MTMR3: variants seen among roughly 807,000 people sequenced by gnomAD.
The protein encoded by MTMR3 is phosphatidylinositol-3,5-bisphosphate 3-phosphatase MTMR3.
In MTMR3, 32 loss-of-function variants were observed where a neutral mutation model predicts 132.4. That is an observed-to-expected ratio of 0.24 (90% CI 0.18 to 0.32). The LOEUF (loss-of-function observed/expected upper bound fraction) is 0.32. Among genes scored for constraint, MTMR3 ranks in the 10% least tolerant of loss-of-function variants. The probability of loss-of-function intolerance (pLI) is 1.00; values close to 1 mark genes in which losing one functional copy is unlikely to be tolerated. For synonymous variants in MTMR3, 556 were observed against 550.3 expected (o/e 1.01, Z -0.14); for missense variants, 1,216 against 1,489.6 (o/e 0.82, Z 3.02).
intron 14 of MTMR3, chr22:30,014,243 G>A (rs1182597790): frequency 6.6e-6 from 1 of 152,134 alleles, no homozygotes; most frequent in Non-Finnish European, 1.5e-5. Context: ...TCACCCCACT[G>A]CTTAACAAAG....
chr22:30,020,519 C>T lies in MTMR3; in HGVS notation c.2860C>T (p.Pro954Ser), dbSNP rs781753280. 1.2e-6 allele frequency: 2 copies of T among 1,614,194 alleles called. No individual in the cohort carries two copies. Among genetic ancestry groups the T allele is most frequent in the South Asian group, 1.1e-5 (1 of 91,084 alleles). Residue 954 changes from proline (P) to serine (S), a missense_variant, in exon 17 of 20, where the codon CCC becomes TCC. Coordinates refer to ENST00000401950, the MANE Select transcript of MTMR3 (RefSeq NM_021090.4). The part of the protein sequence containing the change: ...GLSTLQMYPT[P>S]NGHCANGEAG... ...TAGCACCCTCCAGATGTACCCCACA[C>T]CCAATGGGCATTGCGCCAATGGGGA...
At chr22:29,995,292 G>A (rs2412963) in intron 7 of MTMR3, 112,260 of 152,094 alleles carry the variant, frequency 0.74, 41,561 homozygotes, top group East Asian at 0.91. Context: ...TCCTTTCTCC[G>A]TATTTGAAAA....
In MTMR3 at chr22:30,026,873, T is replaced by C. The variant is rs980310290; in HGVS notation, c.*1072T>C. On this transcript the variant is annotated 3_prime_UTR_variant, in exon 20 of 20. Coordinates refer to ENST00000401950, the MANE Select transcript of MTMR3 (RefSeq NM_021090.4). ...GGTCCCATACAATCAGCCTTTCTCC[T>C]CTTCTCTTCTTGGGACAGGAATAAC... 2 of 149,814 alleles carry C rather than the reference T, an allele frequency of 1.3e-5. No individual in the cohort carries two copies. Among genetic ancestry groups the C allele is most frequent in the African/African-American group, 2.6e-5 (1 of 38,624 alleles). 9.3% of individuals were successfully genotyped at this position (149,814 alleles called of 1,614,324 possible).
rs945784127 is a variant in MTMR3, at chr22:30,028,729, T to C, written c.*2928T>C. Reference sequence around the variant, plus strand: ...AGGGTCACTTTCTGAATGTACCTTCTACCTAAAGTATACAAACACAAAGAG... The same window carrying C: ...AGGGTCACTTTCTGAATGTACCTTCCACCTAAAGTATACAAACACAAAGAG... On this transcript the variant is annotated 3_prime_UTR_variant, in exon 20 of 20. Coordinates refer to ENST00000401950, the MANE Select transcript of MTMR3 (RefSeq NM_021090.4). The C allele has an allele frequency of 5.3e-5, 8 of 152,338 alleles. No individual in the cohort carries two copies. Among genetic ancestry groups the C allele is most frequent in the African/African-American group, 1.9e-4 (8 of 41,440 alleles). 9.4% of individuals were successfully genotyped at this position (152,338 alleles called of 1,614,324 possible).
At chr22:29,917,411 G>A (rs191845089) in intron 1 of MTMR3, among the ~76,000 whole-genome samples, 1 of 152,278 alleles carries the variant, frequency 6.6e-6, no homozygotes, top group Admixed American at 6.5e-5. Context: ...AGGCTGAGGT[G>A]GGAGTATTGC....
chr22:29,927,067 CCCA>C (rs1416164641), intron 1 of MTMR3, among the ~76,000 whole-genome samples: 1 of 152,116 alleles, frequency 6.6e-6, no homozygotes, highest in East Asian at 1.9e-4. Flanking sequence ...ATTCAGTTGT[CCCA>C]CCACCGTTTG....
At chr22:29,935,025 A>G (rs931957320) in intron 1 of MTMR3, among the ~76,000 whole-genome samples, 5 of 152,214 alleles carry the variant, frequency 3.3e-5, no homozygotes, top group African/African-American at 7.2e-5. Context: ...TATTTTAACT[A>G]TAGGTGTCTT....
At chr22:29,934,124 G>A (rs1169422523) in intron 1 of MTMR3, among the ~76,000 whole-genome samples, 2 of 152,190 alleles carry the variant, frequency 1.3e-5, no homozygotes, top group African/African-American at 4.8e-5. Flanking sequence ...GGAGGTAGAG[G>A]TGAGTGGATC....
chr22:29,934,840 G>C (rs1457610066), intron 1 of MTMR3, among the ~76,000 whole-genome samples: 1 of 152,204 alleles, frequency 6.6e-6, no homozygotes, highest in Non-Finnish European at 1.5e-5. Context: ...TGCGTAAAAA[G>C]TACATAGCCC....
At chr22:29,903,563 GT>G (rs1328684930) in intron 1 of MTMR3, among the ~76,000 whole-genome samples, 1 of 150,398 alleles carries the variant, frequency 6.6e-6, no homozygotes, top group African/African-American at 2.4e-5. Context: ...AATTTTTGTG[GT>G]TTTTTTTGCA....
chr22:29,997,306 A>C (rs757984822), intron 7 of MTMR3: 6 of 152,212 alleles, frequency 3.9e-5, no homozygotes, highest in Non-Finnish European at 7.3e-5. Context: ...CCATCCAAGT[A>C]ATTGCTGTTT....
At chr22:29,949,521 AC>A (rs1366182614) in intron 1 of MTMR3, among the ~76,000 whole-genome samples, 7 of 144,436 alleles carry the variant, frequency 4.8e-5, no homozygotes, top group Non-Finnish European at 9.1e-5. Context: ...AAAAAAAAAA[AC>A]AACACACGTA....
chr22:30,008,960 G>C, intron 11 of MTMR3, 58 bp from the exon 12 acceptor site: 1 of 1,165,238 alleles, frequency 8.6e-7, no homozygotes, highest in South Asian at 1.3e-5. Context: ...TTTTAAATTT[G>C]GCCATGTGGG....
intron 1 of MTMR3, among the ~76,000 whole-genome samples, chr22:29,952,323 G>A (rs2066098773): frequency 6.6e-6 from 1 of 151,950 alleles, no homozygotes; most frequent in South Asian, 2.1e-4. Flanking sequence ...TGCTGATCAT[G>A]AAGTTGCATC....
rs1038576963 is a variant in MTMR3, at chr22:29,962,896, T to G, written c.-85+5808T>G. ...GAAGCATGTATCAGTACTTCATTCC[T>G]TTCTCTCTTTTTTCTTTTTTTTTTT... On this transcript the variant is annotated intron_variant, in intron 2 of 19. Transcript: ENST00000401950. Among the ~76,000 whole-genome samples, 12 of 150,574 alleles carry G rather than the reference T, an allele frequency of 8.0e-5. No individual in the cohort carries two copies. The South Asian group carries it at 1.5e-3, about 18-fold the overall frequency.
At chr22:29,940,272 GA>G (rs943934233) in intron 1 of MTMR3, among the ~76,000 whole-genome samples, 2 of 150,790 alleles carry the variant, frequency 1.3e-5, no homozygotes, top group Admixed American at 6.6e-5. Flanking sequence ...CGTTTCAAAA[GA>G]AAAAAAAATA....
chr22:29,935,742 C>CTTTTTTTT, intron 1 of MTMR3, among the ~76,000 whole-genome samples: 1 of 125,874 alleles, frequency 7.9e-6, no homozygotes, highest in Non-Finnish European at 1.6e-5. Context: ...TCCATGCCCA[C>CTTTTTTTT]TTTTTTTTTT....
At chr22:29,916,780 C>T (rs1218116053) in intron 1 of MTMR3, among the ~76,000 whole-genome samples, 1 of 152,174 alleles carries the variant, frequency 6.6e-6, no homozygotes, top group Non-Finnish European at 1.5e-5. Context: ...TTTGTCCTGG[C>T]TTAGCTGATA....
chr22:30,006,958 T>C (rs1601409080), intron 9 of MTMR3, 156 bp from the exon 10 acceptor site: 3 of 660,994 alleles, frequency 4.5e-6, no homozygotes, highest in East Asian at 2.8e-5. Context: ...TTGTTGGTTG[T>C]GTAAGATTTC....
Sources: gnomAD v4.1 joint callset for allele counts (sites outside exome capture counted in the v4.1 genomes callset) on GRCh38, gnomAD v4.1.1 for gene constraint, MANE v1.5 for transcripts, NCBI Gene and HGNC (gene_info 2026-07-23, HGNC 2026-07-21) for gene names.